Variants in SLC19A1 observed in about 807,000 individuals in gnomAD.
The protein encoded by SLC19A1 is solute carrier family 19 member 1.
Under a neutral mutation model 35.3 loss-of-function variants are expected in SLC19A1, and 37 were observed. The observed-to-expected ratio is 1.05, with a 90% CI of 0.81 to 1.38. SLC19A1 has a LOEUF of 1.38. SLC19A1 is among the 40% of genes most tolerant of loss of function. The pLI is 0.00. For missense variants in SLC19A1, 831 were observed against 826.9 expected, an observed-to-expected ratio of 1.00 and a Z score of -0.06; for synonymous variants, 460 against 398.5, an observed-to-expected ratio of 1.15 and a Z score of -1.84.
upstream of SLC19A1, among the ~76,000 whole-genome samples, chr21:45,544,982 A>C (rs2078398323): frequency 6.6e-6 from 1 of 152,198 alleles, no homozygotes; most frequent in African/African-American, 2.4e-5. Context: ...CCCCGTCAGC[A>C]TAGGGAGGCA....
At chr21:45,518,573 T>C (rs1379133577) in intron 5 of SLC19A1, among the ~76,000 whole-genome samples, 1 of 152,092 alleles carries the variant, frequency 6.6e-6, no homozygotes, top group Non-Finnish European at 1.5e-5. Context: ...CAAACTTCTA[T>C]AAGCTAACGA....
chr21:45,540,770 G>A lies in SLC19A1; in HGVS notation c.-50+1598C>T, dbSNP rs1186253150. On this transcript the variant is annotated intron_variant, in intron 1 of 5. Coordinates refer to ENST00000311124, the MANE Select transcript of SLC19A1 (RefSeq NM_194255.4). The surrounding 1 kb of genome is among the most constrained non-coding windows in gnomAD (Gnocchi z 5.5). ...TCTGAAGGAAGTCCCCGACCAGACA[G>A]GAGGGCCACGGGGAAGCAGAGAGAA... 6.6e-6 allele frequency among the ~76,000 whole-genome samples: 1 copy of A among 152,150 alleles called. No individual in the cohort carries two copies. Among genetic ancestry groups the A allele is most frequent in the East Asian group, 1.9e-4 (1 of 5,178 alleles).
downstream of SLC19A1, chr21:45,510,099 C>T (rs376208451): frequency 8.1e-5 from 128 of 1,589,516 alleles, no homozygotes; most frequent in East Asian, 2.3e-3. Flanking sequence ...CCCTGTCAGG[C>T]GGCATGCGGG....
In SLC19A1 at chr21:45,512,651, C is replaced by A. The variant is rs1455974245; in HGVS notation, c.*3007G>T. 1.8e-6 allele frequency: 1 copy of A among 563,324 alleles called. No homozygotes were observed. The highest frequency in any genetic ancestry group is 1.9e-5 in the African/African-American group (1 of 53,012). The allele number at this position is 563,324 out of a possible 1,614,324, so 34.9% of individuals were successfully genotyped here. A position where few individuals can be genotyped will look rare whatever the true frequency, so the allele number is the denominator to read the frequency against. Reference sequence around the variant, plus strand: ...CCCTGACCTGTGAGCCCAGCTGGGTCAGGCAGGGTGCAGTATCATGCCCTG... The same window carrying A: ...CCCTGACCTGTGAGCCCAGCTGGGTAAGGCAGGGTGCAGTATCATGCCCTG... On this transcript the variant is annotated 3_prime_UTR_variant, in exon 6 of 6. Transcript: ENST00000311124.
intron 3 of SLC19A1, among the ~76,000 whole-genome samples, chr21:45,503,738 T>A (rs74648294): frequency 0.059 from 9,036 of 151,904 alleles, 388 homozygotes; most frequent in Admixed American, 0.13. Context: ...TATACATATG[T>A]AACTAACCTG....
rs530468908 is a variant in SLC19A1 at position 45,515,908 on chromosome 21, C to G, written c.1526G>C (p.Gly509Ala). Residue 509 changes from glycine to alanine, a missense_variant, in exon 6 of 6, where the codon GGG (glycine) becomes GCG (alanine). Transcript: ENST00000311124. ...SPPLSPEDSL[G>A]AVGPASLEQR... Reference sequence around the variant, plus strand: ...CTCCAGGGAGGCTGGCCCCACAGCCCCCAGGCTGTCTTCTGGGGAAAGCGG... The same window carrying G: ...CTCCAGGGAGGCTGGCCCCACAGCCGCCAGGCTGTCTTCTGGGGAAAGCGG... 6.4e-7 allele frequency: 1 copy of G among 1,551,448 alleles called. No homozygotes were observed. The highest frequency in any genetic ancestry group is 1.4e-5 in the African/African-American group (1 of 73,332).
At chr21:45,508,695 C>G (rs1035520068), downstream of SLC19A1, among the ~76,000 whole-genome samples, 1 of 152,182 alleles carries the variant, frequency 6.6e-6, no homozygotes, top group Non-Finnish European at 1.5e-5. Context: ...CAGGGTTCAG[C>G]CCAGTCTGCT....
At chr21:45,548,892 A>G (rs1359496077), upstream of SLC19A1, among the ~76,000 whole-genome samples, 1 of 152,224 alleles carries the variant, frequency 6.6e-6, no homozygotes, top group Non-Finnish European at 1.5e-5. Context: ...AAAATTTAAG[A>G]AGCTGACAAT....
chr21:45,511,136 A>G (rs375813847), downstream of SLC19A1: 1 of 1,582,364 alleles, frequency 6.3e-7, no homozygotes, highest in East Asian at 2.3e-5. Flanking sequence ...CCCAGCTGGG[A>G]GGCTCTGTTC....
At chr21:45,557,517 G>A (rs1271002994) in intron 1 of SLC19A1, among the ~76,000 whole-genome samples, 1 of 152,176 alleles carries the variant, frequency 6.6e-6, no homozygotes, top group Non-Finnish European at 1.5e-5. Flanking sequence ...TGTCCGCCTG[G>A]AGTGTCCTGC....
chr21:45,525,971 A>T lies in SLC19A1; in HGVS notation c.1152-13T>A. 6.2e-7 allele frequency: 1 copy of T among 1,612,204 alleles called. No homozygotes were observed. The highest frequency in any genetic ancestry group is 2.2e-5 in the East Asian group (1 of 44,856). On this transcript the variant is annotated splice_polypyrimidine_tract_variant and intron_variant, in intron 4 of 5. Transcript: ENST00000311124. ...TGCAATCTGAAAGCTGAACGGGAAG[A>T]GCGGGCAGATCAGGCGCTGCTGGGA...
chr21:45,512,217 A>G, downstream of SLC19A1: 1 of 1,612,152 alleles, frequency 6.2e-7, no homozygotes, highest in Non-Finnish European at 8.5e-7. Flanking sequence ...CATGGCTCGG[A>G]CCCCAACGGG....
In SLC19A1 at chr21:45,503,216, A is replaced by G. The variant is rs181988844; in HGVS notation, c.498-4604T>C. On this transcript the variant is annotated intron_variant, in intron 3 of 4. Coordinates refer to the SLC19A1 transcript ENST00000417954. ...TGTAAAAGTGTTCCTATTTCTCTAC[A>G]TCCTCTCCGGCACCTGTTGTTTCCT... 4.6e-3 allele frequency among the ~76,000 whole-genome samples: 707 copies of G among 152,242 alleles called. 5 individuals are homozygous for G. In the Middle Eastern group the frequency reaches 0.048, roughly 10 times the overall value.
chr21:45,538,412 C>T (rs1463013039), intron 1 of SLC19A1, among the ~76,000 whole-genome samples: 1 of 152,226 alleles, frequency 6.6e-6, no homozygotes, highest in African/African-American at 2.4e-5. Context: ...GCACACCTCA[C>T]CCCACAGGCC....
chr21:45,507,997 GTGGA>G (rs1172396922), downstream of SLC19A1, among the ~76,000 whole-genome samples: 1 of 151,070 alleles, frequency 6.6e-6, no homozygotes, highest in Admixed American at 6.6e-5. Context: ...CAATGGGGAG[GTGGA>G]TGGATGGATG....
rs1185862107 is a variant in SLC19A1 at position 45,534,623 on chromosome 21, TTAG to T, written c.190-2478_190-2476del. 3 of 1,535,294 alleles carry T rather than the reference TTAG, an allele frequency of 2.0e-6. No homozygotes were observed. Among genetic ancestry groups the T allele is most frequent in the South Asian group, 2.4e-5 (2 of 84,056 alleles). On this transcript the variant is annotated intron_variant, in intron 2 of 5. Transcript: ENST00000311124. The surrounding 1 kb of genome is among the most constrained non-coding windows in gnomAD (Gnocchi z 4.2). Reference sequence around the variant, plus strand: ...GGGCCTCATCAGGCACCTCCTGGTCTTAGTTGAGGGTCTGAGCGCAGAGCTCCC... The same window carrying T: ...GGGCCTCATCAGGCACCTCCTGGTCTTTGAGGGTCTGAGCGCAGAGCTCCC...
chr21:45,507,520 C>G, intron 3 of SLC19A1: 1 of 1,602,320 alleles, frequency 6.2e-7, no homozygotes, highest in South Asian at 1.1e-5. Flanking sequence ...CTGGCTCAGG[C>G]CCAGCCGCAG....
At chr21:45,529,322 C>T (rs1162271204) in intron 4 of SLC19A1, among the ~76,000 whole-genome samples, 1 of 152,208 alleles carries the variant, frequency 6.6e-6, no homozygotes, top group Non-Finnish European at 1.5e-5. Flanking sequence ...ATGCAAGGGT[C>T]AGGAGGGTGC....
At chr21:45,553,369 G>A (rs2078486694) in intron 1 of SLC19A1, among the ~76,000 whole-genome samples, 1 of 151,912 alleles carries the variant, frequency 6.6e-6, no homozygotes, top group African/African-American at 2.4e-5. Context: ...AAAGTCCAGA[G>A]GAGCCACAGG....
Sources: allele counts gnomAD v4.1 joint callset (sites outside exome capture counted in the v4.1 genomes callset), GRCh38; gene constraint gnomAD v4.1.1; non-coding constraint Gnocchi (gnomAD v3.1); transcripts MANE v1.5; gene names NCBI Gene and HGNC (gene_info 2026-07-23, HGNC 2026-07-21).